ARHGAP26: variants seen among roughly 807,000 people sequenced by gnomAD.
ARHGAP26 encodes Rho GTPase activating protein 26.
Under a neutral mutation model 104.8 loss-of-function variants are expected in ARHGAP26, and 38 were observed. The observed-to-expected ratio is 0.36, with a 90% CI of 0.28 to 0.48. The LOEUF is 0.48. ARHGAP26 is among the 20% of genes least tolerant of loss of function. The probability of loss-of-function intolerance (pLI) is 0.99; values close to 1 mark genes in which losing one functional copy is unlikely to be tolerated. For missense variants in ARHGAP26, 704 were observed against 947.9 expected (o/e 0.74, Z 3.38); for synonymous variants, 341 against 340.0 (o/e 1.00, Z -0.03).
At chr5:143,219,043 G>C (rs1027526570) in intron 22 of ARHGAP26, among the ~76,000 whole-genome samples, 2 of 152,244 alleles carry the variant, frequency 1.3e-5, no homozygotes, top group Non-Finnish European at 1.5e-5. Context: ...GTGCGTATTC[G>C]CAAAGGGTCT....
intron 14 of ARHGAP26, among the ~76,000 whole-genome samples, chr5:143,053,904 G>A (rs1362135683): frequency 6.6e-6 from 1 of 151,876 alleles, no homozygotes; most frequent in East Asian, 1.9e-4. Context: ...TTTCCATGTT[G>A]CTTTACAGTC....
At chr5:143,089,095 AAAT>A (rs1791031986) in intron 17 of ARHGAP26, among the ~76,000 whole-genome samples, 1 of 152,226 alleles carries the variant, frequency 6.6e-6, no homozygotes, top group African/African-American at 2.4e-5. Context: ...GATTCTTTGA[AAAT>A]AAATTTAAAA....
At chr5:142,935,616 T>G (rs544676975) in intron 11 of ARHGAP26, among the ~76,000 whole-genome samples, 1 of 152,314 alleles carries the variant, frequency 6.6e-6, no homozygotes, top group Admixed American at 6.5e-5. Context: ...TAATTGGATT[T>G]TATTGGACTA....
intron 11 of ARHGAP26, among the ~76,000 whole-genome samples, chr5:142,987,169 G>C (rs1045341647): frequency 6.6e-5 from 10 of 151,978 alleles, no homozygotes; most frequent in African/African-American, 1.9e-4. Context: ...CTTTTATTTC[G>C]TTGAGCAGTG....
At chr5:142,939,467 G>A (rs887246848) in intron 11 of ARHGAP26, among the ~76,000 whole-genome samples, 1 of 152,184 alleles carries the variant, frequency 6.6e-6, no homozygotes, top group African/African-American at 2.4e-5. Context: ...TGAACAAAAT[G>A]TGTCTTCTCT....
chr5:143,079,725 G>A (rs1789538142), intron 17 of ARHGAP26, among the ~76,000 whole-genome samples: 1 of 152,168 alleles, frequency 6.6e-6, no homozygotes, highest in African/African-American at 2.4e-5. Context: ...TATTTTACCT[G>A]TGGACTCGTT....
chr5:143,175,373 G>A (rs1329787393), intron 20 of ARHGAP26, among the ~76,000 whole-genome samples: 1 of 152,110 alleles, frequency 6.6e-6, no homozygotes, highest in African/African-American at 2.4e-5. Context: ...TGACAGTGAA[G>A]GAAAATGTGT....
At chr5:143,206,902 G>T (rs1039313693) in intron 20 of ARHGAP26, among the ~76,000 whole-genome samples, 2 of 152,254 alleles carry the variant, frequency 1.3e-5, no homozygotes, top group Admixed American at 6.5e-5. Context: ...ACTCATGTGC[G>T]TGGGCTCAGG....
At chr5:142,845,560 A>G (rs1372065876) in intron 1 of ARHGAP26, among the ~76,000 whole-genome samples, 3 of 152,052 alleles carry the variant, frequency 2.0e-5, no homozygotes, top group Non-Finnish European at 4.4e-5. Flanking sequence ...TGTCTTTGTT[A>G]TGTGCTCTAG....
chr5:142,770,581 G>C lies in ARHGAP26; in HGVS notation c.-181G>C. On this transcript the variant is annotated 5_prime_UTR_variant, in exon 1 of 23. Coordinates refer to ENST00000645722, the MANE Select transcript of ARHGAP26 (RefSeq NM_001135608.3). ...GAACAGCAGCACCTCGGCCGGGTCC[G>C]AGCTCGGTTCGGGAGTCTTGCGCGC... is the stretch of plus-strand genomic sequence containing the variant. The C allele has an allele frequency of 3.6e-6, 1 of 274,474 alleles. No homozygotes were observed. The highest frequency in any genetic ancestry group is 5.9e-6 in the Non-Finnish European group (1 of 168,686). The allele number at this position is 274,474 out of a possible 1,614,324, so 17.0% of individuals were successfully genotyped here. A position where few individuals can be genotyped will look rare whatever the true frequency, so the allele number is the denominator to read the frequency against.
At chr5:143,141,821 G>A (rs923809004) in intron 19 of ARHGAP26, among the ~76,000 whole-genome samples, 3 of 152,162 alleles carry the variant, frequency 2.0e-5, no homozygotes, top group African/African-American at 2.4e-5. Context: ...TTCATCAGAG[G>A]CCCATTCCTC....
chr5:142,936,437 A>G (rs1407956003), intron 11 of ARHGAP26, among the ~76,000 whole-genome samples: 1 of 152,200 alleles, frequency 6.6e-6, no homozygotes, highest in Admixed American at 6.5e-5. Context: ...CATAGTAAAG[A>G]TGTCAATTCT....
intron 1 of ARHGAP26, among the ~76,000 whole-genome samples, chr5:142,859,024 G>C (rs1042186725): frequency 7.2e-5 from 11 of 152,174 alleles, no homozygotes; most frequent in Non-Finnish European, 1.5e-4. Flanking sequence ...CAAGGCCAGT[G>C]GGGTGTGCAG....
chr5:142,986,146 C>G (rs924032716), intron 11 of ARHGAP26, among the ~76,000 whole-genome samples: 1 of 152,308 alleles, frequency 6.6e-6, no homozygotes, highest in Non-Finnish European at 1.5e-5. Flanking sequence ...GTTCCTATTT[C>G]TCCACATCCT....
chr5:143,027,175 G>GT (rs10551710), intron 12 of ARHGAP26, among the ~76,000 whole-genome samples: 190 of 140,938 alleles, frequency 1.3e-3, no homozygotes, highest in Middle Eastern at 3.6e-3. Flanking sequence ...GATTTTTTGT[G>GT]TTTTTTTTTT....
At chr5:142,894,001 T>A (rs1759106957) in intron 5 of ARHGAP26, among the ~76,000 whole-genome samples, 1 of 151,846 alleles carries the variant, frequency 6.6e-6, no homozygotes, top group Non-Finnish European at 1.5e-5. Context: ...AAACCAATAA[T>A]CTCATTAGAA....
chr5:143,140,305 G>T (rs6580274), intron 19 of ARHGAP26, among the ~76,000 whole-genome samples: 27,376 of 152,062 alleles, frequency 0.18, 3,255 homozygotes, highest in African/African-American at 0.33. Context: ...TGGCATGGTG[G>T]TTGAAAGTGG....
intron 1 of ARHGAP26, among the ~76,000 whole-genome samples, chr5:142,855,789 G>A (rs551451914): frequency 6.6e-6 from 1 of 152,274 alleles, no homozygotes; most frequent in African/African-American, 2.4e-5. Flanking sequence ...TGGATGTGAG[G>A]CTACTAATGA....
At chr5:142,821,520 G>C (rs2152074890) in intron 1 of ARHGAP26, among the ~76,000 whole-genome samples, 1 of 152,052 alleles carries the variant, frequency 6.6e-6, no homozygotes, top group African/African-American at 2.4e-5. Context: ...CTTACAGCAA[G>C]GGGAATGTTT....
Sources: gnomAD v4.1 joint callset for allele counts (sites outside exome capture counted in the v4.1 genomes callset) on GRCh38, gnomAD v4.1.1 for gene constraint, MANE v1.5 for transcripts, NCBI Gene and HGNC (gene_info 2026-07-23, HGNC 2026-07-21) for gene names.